The following WFDC5 variants were observed in gnomAD, a reference collection of about 807,000 sequenced individuals.
The protein encoded by WFDC5 is WAP four-disulfide core domain protein 5.
Under a neutral mutation model 15.7 loss-of-function variants are expected in WFDC5, and 15 were observed. The observed-to-expected ratio is 0.96, with a 90% CI of 0.64 to 1.47. The LOEUF is 1.47. Ranked by LOEUF, WFDC5 falls within the 40% of genes most tolerant of loss-of-function variation. The probability of loss-of-function intolerance (pLI) is 0.00; values close to 1 mark genes in which losing one functional copy is unlikely to be tolerated. For missense variants in WFDC5, 280 were observed against 258.0 expected (o/e 1.09, Z -0.59); for synonymous variants, 109 against 107.7 (o/e 1.01, Z -0.07).
intron 1 of WFDC5, 43 bp from the exon 2 acceptor site, chr20:45,110,818 G>A (rs778059952): frequency 1.2e-5 from 19 of 1,610,360 alleles, no homozygotes; most frequent in Admixed American, 3.3e-5. Flanking sequence ...GGAAGCTCAC[G>A]GTTATGTAAT....
chr20:45,115,280 C>T (rs555444088), upstream of WFDC5: 165 of 553,162 alleles, frequency 3.0e-4, 1 homozygote, highest in South Asian at 3.9e-3. Context: ...GATAGGGTGG[C>T]GGCACATCCT....
At chr20:45,112,163 G>C (rs570279117) in intron 1 of WFDC5, among the ~76,000 whole-genome samples, 1 of 152,276 alleles carries the variant, frequency 6.6e-6, no homozygotes, top group Admixed American at 6.5e-5. Flanking sequence ...TGTGGGTTTG[G>C]GGTGGTGGGG....
At chr20:45,111,834 C>T (rs1037770648) in intron 1 of WFDC5, among the ~76,000 whole-genome samples, 1 of 152,202 alleles carries the variant, frequency 6.6e-6, no homozygotes, top group Admixed American at 6.5e-5. Context: ...CCGGCTCCCT[C>T]TGACCTCTGT....
At chr20:45,115,636 G>A (rs1427013869), upstream of WFDC5, among the ~76,000 whole-genome samples, 1 of 152,156 alleles carries the variant, frequency 6.6e-6, no homozygotes, top group Non-Finnish European at 1.5e-5. Flanking sequence ...TGGGTCCTGT[G>A]GATGGGAGAA....
chr20:45,114,875 GCACGCACA>G (rs1981714833), intron 1 of WFDC5, 116 bp downstream of exon 1: 1 of 942,086 alleles, frequency 1.1e-6, no homozygotes, highest in African/African-American at 1.6e-5. Flanking sequence ...ACACACGCAC[GCACGCACA>G]CACACACGCG....
exon 4 of WFDC5, chr20:45,110,006 G>C (rs768903715): frequency 1.2e-6 from 2 of 1,613,360 alleles, no homozygotes; most frequent in South Asian, 2.2e-5. Flanking sequence ...TCCTAAATCA[G>C]AATTAGCCTG....
At chr20:45,115,117 C>G in exon 1 of WFDC5, 2 of 1,598,582 alleles carry the variant, frequency 1.3e-6, no homozygotes, top group East Asian at 4.5e-5. Flanking sequence ...CAGGGCCCCC[C>G]AGATTAACAC....
At chr20:45,114,167 G>A (rs1024208592) in intron 1 of WFDC5, among the ~76,000 whole-genome samples, 1 of 152,200 alleles carries the variant, frequency 6.6e-6, no homozygotes, top group Non-Finnish European at 1.5e-5. Context: ...GAGCTCACCA[G>A]TGTACTTCCT....
At chr20:45,109,543 G>A (rs114781738) in exon 4 of WFDC5, 463 of 581,854 alleles carry the variant, frequency 8.0e-4, no homozygotes, top group African/African-American at 7.6e-3. Context: ...TACAGGCAGC[G>A]TGCAACCTAT....
At chr20:45,109,492 C>G (rs1981547125) in exon 4 of WFDC5, 1 of 496,006 alleles carries the variant, frequency 2.0e-6, no homozygotes, top group African/African-American at 1.9e-5. Flanking sequence ...TATTTATATA[C>G]AAAAGTGAGC....
chr20:45,109,513 A>T (rs923586618), exon 4 of WFDC5: 1 of 526,154 alleles, frequency 1.9e-6, no homozygotes, highest in East Asian at 2.9e-5. Context: ...CATTTAAAGA[A>T]AACATTAAGT....
chr20:45,114,095 C>A (rs1026893583), intron 1 of WFDC5, among the ~76,000 whole-genome samples: 5 of 152,240 alleles, frequency 3.3e-5, no homozygotes, highest in East Asian at 1.9e-4. Context: ...CCTCACAGCA[C>A]CTTGTCGAGG....
upstream of WFDC5, chr20:45,115,177 G>C (rs1981728411): frequency 1.6e-6 from 2 of 1,229,760 alleles, no homozygotes; most frequent in East Asian, 4.9e-5. Flanking sequence ...GGAAAGAGAG[G>C]GGGTGTGGAG....
At position 45,114,585 on chromosome 20, in the gene WFDC5, C is replaced by G. The variant is rs112568980; in HGVS notation, c.85+414G>C. Among the ~76,000 whole-genome samples, 547 of 152,174 alleles carry G rather than the reference C, an allele frequency of 3.6e-3. 4 individuals are homozygous for G. Among genetic ancestry groups the G allele is most frequent in the African/African-American group, 0.013 (534 of 41,504 alleles). On this transcript the variant is annotated intron_variant, in intron 1 of 3. Coordinates refer to ENST00000307971, the Ensembl canonical transcript of WFDC5. ...AGGCACAGAGACACACATGGACAGG[C>G]ACCAAGCTCAGACACATGCGTGCAG...
intron 3 of WFDC5, 97 bp from the exon 4 acceptor site, chr20:45,110,110 T>C (rs533778171): frequency 6.6e-7 from 1 of 1,519,052 alleles, no homozygotes; most frequent in Non-Finnish European, 8.9e-7. Context: ...TCAGCTCTGG[T>C]TGCCACCAAG....
At chr20:45,115,656 C>T (rs1480281351), upstream of WFDC5, among the ~76,000 whole-genome samples, 6 of 152,108 alleles carry the variant, frequency 3.9e-5, no homozygotes, top group Admixed American at 2.0e-4. Context: ...AAGACCACCC[C>T]GCCTTTGGTG....
chr20:45,111,916 T>C (rs1981631769), intron 1 of WFDC5, among the ~76,000 whole-genome samples: 1 of 152,172 alleles, frequency 6.6e-6, no homozygotes. Flanking sequence ...CAATCCAGCA[T>C]CAGAGAAAAT....
upstream of WFDC5, among the ~76,000 whole-genome samples, chr20:45,115,668 GATC>G (rs762668465): frequency 3.9e-5 from 6 of 152,156 alleles, no homozygotes; most frequent in Non-Finnish European, 8.8e-5. Flanking sequence ...CCTTTGGTGA[GATC>G]ACCAGTGGCT....
exon 4 of WFDC5, chr20:45,109,901 C>T (rs777092769): frequency 3.9e-5 from 59 of 1,495,286 alleles, no homozygotes; most frequent in East Asian, 3.6e-4. Context: ...CTGGAACCAC[C>T]GCTGGTAGAG....
Sources: allele counts gnomAD v4.1 joint callset (sites outside exome capture counted in the v4.1 genomes callset), GRCh38; gene constraint gnomAD v4.1.1; transcripts MANE v1.5; gene names NCBI Gene and HGNC (gene_info 2026-07-23, HGNC 2026-07-21).